ADAMTS17: variants seen among roughly 807,000 people sequenced by gnomAD.
ADAMTS17 encodes the protein A disintegrin and metalloproteinase with thrombospondin motifs 17.
A neutral mutation model predicts 141.5 loss-of-function variants in ADAMTS17; 113 were observed. The ratio of observed to expected loss-of-function variants is 0.80; its 90% CI spans 0.69 to 0.93. ADAMTS17 has a LOEUF of 0.93. ADAMTS17 is among the 40% of genes least tolerant of loss of function. The pLI is 0.00. For missense variants in ADAMTS17, 1,659 were observed against 1,517.9 expected, an observed-to-expected ratio of 1.09 and a Z score of -1.54; for synonymous variants, 768 against 630.6, an observed-to-expected ratio of 1.22 and a Z score of -3.27.
Position 100,183,069 on chromosome 15 carries a change from A to G in ADAMTS17, c.1181+16249T>C, listed in dbSNP as rs142887642. Among the ~76,000 whole-genome samples, 479 of 152,180 alleles carry G rather than the reference A, an allele frequency of 3.1e-3. 6 individuals carry two copies. The highest frequency in any genetic ancestry group is 0.011 in the African/African-American group (463 of 41,504). ...GGTGGCACGATCTCAGCTCACTGCAACTTCCACCTCCTGGGTTCAAGTGAT... is the reference window on the plus strand; with the variant it reads ...GGTGGCACGATCTCAGCTCACTGCAGCTTCCACCTCCTGGGTTCAAGTGAT... On this transcript the variant is annotated intron_variant, in intron 8 of 21. Transcript: ENST00000268070.
intron 15 of ADAMTS17, among the ~76,000 whole-genome samples, chr15:100,095,460 G>A (rs2035700287): frequency 6.6e-6 from 1 of 152,170 alleles, no homozygotes; most frequent in Admixed American, 6.5e-5. Flanking sequence ...CTGTGAGACA[G>A]GGAGGCATAA....
chr15:100,281,192 A>G, intron 4 of ADAMTS17, 37 bp downstream of exon 4: 1 of 1,599,398 alleles, frequency 6.3e-7, no homozygotes, highest in Non-Finnish European at 8.5e-7. Context: ...AGGAGAAAAC[A>G]GAGCCCCCCA....
At chr15:100,236,981 C>G (rs1318830452) in intron 7 of ADAMTS17, among the ~76,000 whole-genome samples, 2 of 152,206 alleles carry the variant, frequency 1.3e-5, no homozygotes, top group Non-Finnish European at 2.9e-5. Flanking sequence ...CCTCTCATCT[C>G]TGCACAACAT....
chr15:100,126,955 G>A (rs1396477115), intron 12 of ADAMTS17, among the ~76,000 whole-genome samples: 5 of 152,190 alleles, frequency 3.3e-5, no homozygotes, highest in Non-Finnish European at 5.9e-5. Flanking sequence ...AAGAGGTGCC[G>A]AGGGAGACTT....
intron 8 of ADAMTS17, among the ~76,000 whole-genome samples, chr15:100,178,264 C>A (rs780638208): frequency 6.6e-6 from 1 of 152,066 alleles, no homozygotes; most frequent in African/African-American, 2.4e-5. Context: ...GTTACTTGAA[C>A]ATCAATTAGA....
intron 10 of ADAMTS17, among the ~76,000 whole-genome samples, chr15:100,149,859 A>G (rs1263823515): frequency 6.6e-6 from 1 of 152,142 alleles, no homozygotes; most frequent in East Asian, 1.9e-4. Context: ...ATTTCTAACA[A>G]TCGTGACATT....
chr15:99,984,155 T>C (rs1349140519), intron 20 of ADAMTS17, among the ~76,000 whole-genome samples: 1 of 152,108 alleles, frequency 6.6e-6, no homozygotes, highest in East Asian at 1.9e-4. Context: ...CTGACCTGCA[T>C]ATTGTGGCTG....
chr15:100,195,799 T>G (rs1046688257), intron 8 of ADAMTS17, among the ~76,000 whole-genome samples: 9 of 152,206 alleles, frequency 5.9e-5, no homozygotes, highest in Admixed American at 2.6e-4. Flanking sequence ...GTACCTTGGT[T>G]TTTGACTCTA....
At chr15:100,140,564 G>C (rs527957122) in intron 10 of ADAMTS17, among the ~76,000 whole-genome samples, 1 of 149,992 alleles carries the variant, frequency 6.7e-6, no homozygotes, top group Non-Finnish European at 1.5e-5. Flanking sequence ...CTGTAAACCA[G>C]TGCCTGGCAA....
intron 3 of ADAMTS17, among the ~76,000 whole-genome samples, chr15:100,300,003 AGAAT>A: frequency 1.3e-5 from 2 of 152,362 alleles, no homozygotes; most frequent in Non-Finnish European, 2.9e-5. Context: ...AGTTAATGAC[AGAAT>A]GAAGTAAATG....
intron 13 of ADAMTS17, among the ~76,000 whole-genome samples, chr15:100,112,125 AAAGGG>A (rs1218530568): frequency 6.6e-6 from 1 of 152,252 alleles, no homozygotes; most frequent in East Asian, 1.9e-4. Context: ...GCCAGACTTC[AAAGGG>A]ATGAAGGCTG....
rs545964292 is a variant in ADAMTS17, at chr15:100,138,163, T to C, written c.1474-4848A>G. On this transcript the variant is annotated intron_variant, in intron 10 of 21. Coordinates refer to ENST00000268070, the MANE Select transcript of ADAMTS17 (RefSeq NM_139057.4). ...GGGTGTTTACCAGTTCTGAAAAGGC[T>C]AGAAGCAGCCCCTTTTCAGAAAAAG... Among the ~76,000 whole-genome samples, 5 of 152,280 alleles carry C rather than the reference T, an allele frequency of 3.3e-5. No individual in the cohort carries two copies. In the East Asian group the frequency reaches 7.7e-4, roughly 24 times the overall value.
chr15:99,985,844 C>A (rs1289783719), intron 20 of ADAMTS17, among the ~76,000 whole-genome samples: 1 of 152,182 alleles, frequency 6.6e-6, no homozygotes, highest in African/African-American at 2.4e-5. Context: ...TGTCACGGGC[C>A]AATATCACTG....
intron 8 of ADAMTS17, among the ~76,000 whole-genome samples, chr15:100,178,783 T>C (rs2040424491): frequency 6.6e-6 from 1 of 152,188 alleles, no homozygotes; most frequent in African/African-American, 2.4e-5. Context: ...AGAATGTATT[T>C]TTTCTTCATT....
At chr15:100,061,046 C>T (rs1406663286) in intron 15 of ADAMTS17, among the ~76,000 whole-genome samples, 2 of 152,194 alleles carry the variant, frequency 1.3e-5, no homozygotes, top group Non-Finnish European at 1.5e-5. Flanking sequence ...CGGCTCCAAC[C>T]TCCCACGGAG....
At chr15:100,331,302 T>C (rs745709200) in intron 2 of ADAMTS17, among the ~76,000 whole-genome samples, 26 of 152,324 alleles carry the variant, frequency 1.7e-4, no homozygotes, top group Middle Eastern at 3.4e-3. Flanking sequence ...CCATTTTCCA[T>C]GTTGGCTTTC....
intron 10 of ADAMTS17, among the ~76,000 whole-genome samples, chr15:100,138,884 G>T (rs780629910): frequency 6.6e-6 from 1 of 152,072 alleles, no homozygotes; most frequent in African/African-American, 2.4e-5. Flanking sequence ...CTACTAACTT[G>T]CCTTTTAAAA....
intron 7 of ADAMTS17, among the ~76,000 whole-genome samples, chr15:100,240,472 C>T (rs1248850595): frequency 6.6e-6 from 1 of 152,206 alleles, no homozygotes; most frequent in Non-Finnish European, 1.5e-5. Context: ...CCACTCTCTG[C>T]CAAAGAGCAA....
intron 8 of ADAMTS17, among the ~76,000 whole-genome samples, chr15:100,188,336 C>T (rs779112041): frequency 2.0e-4 from 30 of 151,876 alleles, no homozygotes; most frequent in Non-Finnish European, 2.8e-4. Flanking sequence ...CTCAGCCTCC[C>T]GAAATGCTGG....
Sources: gnomAD v4.1 joint callset for allele counts (sites outside exome capture counted in the v4.1 genomes callset) on GRCh38, gnomAD v4.1.1 for gene constraint, MANE v1.5 for transcripts, NCBI Gene and HGNC (gene_info 2026-07-23, HGNC 2026-07-21) for gene names.